CRYBG1: variants seen among roughly 807,000 people sequenced by gnomAD.
CRYBG1 encodes the protein beta/gamma crystallin domain-containing protein 1.
A neutral mutation model predicts 189.2 loss-of-function variants in CRYBG1; 139 were observed. That is an observed-to-expected ratio of 0.73 (90% CI 0.64 to 0.85). CRYBG1 has a LOEUF of 0.85. Among genes scored for constraint, CRYBG1 ranks in the 40% least tolerant of loss-of-function variants. The probability of loss-of-function intolerance (pLI) is 0.00; values close to 1 mark genes in which losing one functional copy is unlikely to be tolerated. For synonymous variants in CRYBG1, 1,023 were observed against 1,017.1 expected (o/e 1.01, Z -0.11); for missense variants, 2,611 against 2,675.8 (o/e 0.98, Z 0.53).
chr6:106,533,774 T>C (rs777337844), intron 8 of CRYBG1, among the ~76,000 whole-genome samples: 3 of 152,102 alleles, frequency 2.0e-5, no homozygotes, highest in Non-Finnish European at 4.4e-5. Context: ...GAGCTCAGTT[T>C]TGGACAGGTT....
intron 2 of CRYBG1, among the ~76,000 whole-genome samples, chr6:106,468,568 T>C (rs1204257228): frequency 2.0e-5 from 3 of 152,180 alleles, no homozygotes; most frequent in African/African-American, 7.2e-5. Context: ...CGTGTGCCTG[T>C]AGTCTCAGCT....
chr6:106,491,953 C>T (rs763391198), intron 2 of CRYBG1, among the ~76,000 whole-genome samples: 4 of 152,088 alleles, frequency 2.6e-5, no homozygotes, highest in Non-Finnish European at 4.4e-5. Flanking sequence ...AACTCCAGTT[C>T]GACCCCTGTG....
At chr6:106,377,390 G>C (rs1770187403) in intron 1 of CRYBG1, among the ~76,000 whole-genome samples, 1 of 151,992 alleles carries the variant, frequency 6.6e-6, no homozygotes, top group African/African-American at 2.4e-5. Context: ...ACTTCATTCC[G>C]TTTTGCTTCA....
At chr6:106,451,563 T>C in intron 1 of CRYBG1, 131 bp from the exon 2 acceptor site, 1 of 926,148 alleles carries the variant, frequency 1.1e-6, no homozygotes, top group Non-Finnish European at 1.5e-6. Context: ...GCCGTGTAGG[T>C]TTTGAAGAAT....
intron 9 of CRYBG1, 153 bp from the exon 10 acceptor site, chr6:106,541,433 T>C: frequency 2.6e-6 from 2 of 757,042 alleles, no homozygotes; most frequent in Non-Finnish European, 4.7e-6. Context: ...TCATCTGTAT[T>C]GTTGGTAATT....
At chr6:106,425,230 T>A (rs930480696) in intron 1 of CRYBG1, among the ~76,000 whole-genome samples, 2 of 151,986 alleles carry the variant, frequency 1.3e-5, no homozygotes, top group African/African-American at 4.8e-5. Flanking sequence ...CAATGAGGAG[T>A]AACACCTGAG....
At chr6:106,451,257 G>A (rs1462941774) in intron 1 of CRYBG1, among the ~76,000 whole-genome samples, 1 of 152,156 alleles carries the variant, frequency 6.6e-6, no homozygotes, top group African/African-American at 2.4e-5. Context: ...TCCTGGCATA[G>A]TCTAGATTGT....
At chr6:106,422,844 G>A (rs1175774544) in intron 1 of CRYBG1, among the ~76,000 whole-genome samples, 1 of 152,156 alleles carries the variant, frequency 6.6e-6, no homozygotes. Context: ...CTATCAACAA[G>A]GCACCATGGG....
chr6:106,466,133 C>T (rs1289270795), intron 2 of CRYBG1, among the ~76,000 whole-genome samples: 1 of 152,126 alleles, frequency 6.6e-6, no homozygotes, highest in Non-Finnish European at 1.5e-5. Context: ...CCTTCATATT[C>T]TTTAAAAAAG....
chr6:106,534,393 A>G (rs1207668260), intron 8 of CRYBG1, among the ~76,000 whole-genome samples: 1 of 152,020 alleles, frequency 6.6e-6, no homozygotes, highest in East Asian at 1.9e-4. Flanking sequence ...GGCTCGTTGA[A>G]CTTGGTTGGT....
chr6:106,527,433 A>T lies in CRYBG1; in HGVS notation c.4541A>T (p.Lys1514Met). Residue 1514 changes from lysine to methionine, a missense_variant, in exon 7 of 22, where the codon AAG (lysine) becomes ATG (methionine). Physicochemically the swap from Lys to Met is moderately conservative, Grantham distance 95. Coordinates refer to ENST00000633556, the MANE Select transcript of CRYBG1 (RefSeq NM_001371242.2). ...LERHEEAESD[K>M]PVVIGSIRHV... Reference sequence around the variant, plus strand: ...AGGCACGAAGAAGCAGAGTCTGATAAGCCAGTGGTGATTGGTTCCATCAGA... The same window carrying T: ...AGGCACGAAGAAGCAGAGTCTGATATGCCAGTGGTGATTGGTTCCATCAGA... 1 of 1,613,022 alleles carries T rather than the reference A, an allele frequency of 6.2e-7. No individual in the cohort carries two copies. Among genetic ancestry groups the T allele is most frequent in the East Asian group, 2.2e-5 (1 of 44,806 alleles).
chr6:106,401,204 T>C (rs1258170035), intron 1 of CRYBG1, among the ~76,000 whole-genome samples: 1 of 152,200 alleles, frequency 6.6e-6, no homozygotes, highest in African/African-American at 2.4e-5. Context: ...GAGCAAATAA[T>C]AGAGTTGGAT....
intron 2 of CRYBG1, among the ~76,000 whole-genome samples, chr6:106,453,576 T>A (rs1771825158): frequency 6.6e-6 from 1 of 152,260 alleles, no homozygotes; most frequent in Non-Finnish European, 1.5e-5. Flanking sequence ...TTTCCTATAT[T>A]TTTCCTTCAG....
rs888565800 is a variant in CRYBG1 at position 106,438,523 on chromosome 6, C to T, written c.174-13171C>T. Among the ~76,000 whole-genome samples, 41 of 152,128 alleles carry T rather than the reference C, an allele frequency of 2.7e-4. 1 individual carries two copies. ...GGCTGCTGGCAATCCTTGGTGTTCT[C>T]GTTGGCTTCCCACTGCGTCACTCCA... On this transcript the variant is annotated intron_variant, in intron 1 of 21. Coordinates refer to ENST00000633556, the MANE Select transcript of CRYBG1 (RefSeq NM_001371242.2).
At chr6:106,502,958 A>C (rs6928575) in intron 2 of CRYBG1, among the ~76,000 whole-genome samples, 29,288 of 152,160 alleles carry the variant, frequency 0.19, 3,404 homozygotes, top group South Asian at 0.3. Context: ...ATGCCCCACA[A>C]AACTTCATTC....
intron 1 of CRYBG1, among the ~76,000 whole-genome samples, chr6:106,441,903 CAT>C (rs1380092670): frequency 6.6e-6 from 1 of 152,174 alleles, no homozygotes; most frequent in African/African-American, 2.4e-5. Context: ...AAATCTCTCT[CAT>C]ATTGAAAATG....
intron 2 of CRYBG1, among the ~76,000 whole-genome samples, chr6:106,485,024 T>C (rs1443966862): frequency 2.6e-5 from 4 of 152,156 alleles, no homozygotes; most frequent in African/African-American, 4.8e-5. Context: ...TTTTTCTATT[T>C]CTGTGAATGT....
Position 106,520,061 on chromosome 6 carries a change from C to A in CRYBG1, c.2853C>A (p.Ser951=), listed in dbSNP as rs145613582. 539 of 1,614,102 alleles carry A rather than the reference C, an allele frequency of 3.3e-4. 2 individuals carry two copies. The African/African-American group carries it at 6.1e-3, about 18-fold the overall frequency. ...SPEAVGSECP[S]RVLVQVRSFV... Reference sequence around the variant, plus strand: ...AAGCTGTGGGAAGTGAGTGTCCATCCAGAGTCCTCGTCCAGGTCAGGTCCT... The same window carrying A: ...AAGCTGTGGGAAGTGAGTGTCCATCAAGAGTCCTCGTCCAGGTCAGGTCCT... The change falls in exon 4 of 22, where the codon TCC becomes TCA. Residue 951 remains serine, a synonymous_variant. Coordinates refer to ENST00000633556, the MANE Select transcript of CRYBG1 (RefSeq NM_001371242.2).
chr6:106,496,819 G>A (rs903768063), intron 2 of CRYBG1, among the ~76,000 whole-genome samples: 5 of 152,188 alleles, frequency 3.3e-5, no homozygotes, highest in African/African-American at 9.7e-5. Flanking sequence ...CAGCGTAGTG[G>A]CTAGTGAGAC....
Sources: gnomAD v4.1 joint callset for allele counts (sites outside exome capture counted in the v4.1 genomes callset) on GRCh38, gnomAD v4.1.1 for gene constraint, MANE v1.5 for transcripts, NCBI Gene and HGNC (gene_info 2026-07-23, HGNC 2026-07-21) for gene names.